The following ADGRB3 variants were observed in gnomAD, a reference collection of about 807,000 sequenced individuals.
The protein encoded by ADGRB3 is brain-specific angiogenesis inhibitor 3.
A neutral mutation model predicts 193.4 loss-of-function variants in ADGRB3; 37 were observed. The ratio of observed to expected loss-of-function variants is 0.19; its 90% CI spans 0.15 to 0.25. ADGRB3 has a LOEUF of 0.25. ADGRB3 is among the 10% of genes least tolerant of loss of function. The pLI is 1.00. For synonymous variants in ADGRB3, 690 were observed against 644.2 expected (o/e 1.07, Z -1.08); for missense variants, 1,637 against 1,852.9 (o/e 0.88, Z 2.14).
At chr6:69,231,954 C>T (rs531176726) in intron 17 of ADGRB3, among the ~76,000 whole-genome samples, 1 of 152,258 alleles carries the variant, frequency 6.6e-6, no homozygotes, top group African/African-American at 2.4e-5. Flanking sequence ...GTTCAACTGT[C>T]ACAAAGAAAC....
At chr6:68,847,557 G>A (rs777196712) in intron 3 of ADGRB3, among the ~76,000 whole-genome samples, 2 of 152,114 alleles carry the variant, frequency 1.3e-5, no homozygotes, top group Admixed American at 6.6e-5. Flanking sequence ...GGGTTTATCA[G>A]GGGTTTCCAC....
At chr6:69,055,569 G>A (rs916513654) in intron 15 of ADGRB3, among the ~76,000 whole-genome samples, 3 of 151,950 alleles carry the variant, frequency 2.0e-5, no homozygotes, top group African/African-American at 7.3e-5. Context: ...TCCACCTCTT[G>A]GCAATTGTCA....
intron 17 of ADGRB3, among the ~76,000 whole-genome samples, chr6:69,219,460 C>CATATATATAT (rs1561956677): frequency 9.1e-5 from 5 of 54,824 alleles, no homozygotes; most frequent in African/African-American, 1.5e-4. Flanking sequence ...TACACACACA[C>CATATATATAT]GTATATATAT....
At chr6:69,098,712 C>G (rs551077357) in intron 17 of ADGRB3, among the ~76,000 whole-genome samples, 1 of 152,092 alleles carries the variant, frequency 6.6e-6, no homozygotes, top group Non-Finnish European at 1.5e-5. Flanking sequence ...GACACAAAAC[C>G]AAACCGTATC....
chr6:68,896,870 A>C lies in ADGRB3; in HGVS notation c.758-33689A>C, dbSNP rs1766232463. On this transcript the variant is annotated intron_variant, in intron 3 of 31. Coordinates refer to ENST00000370598, the MANE Select transcript of ADGRB3 (RefSeq NM_001704.3). Reference sequence around the variant, plus strand: ...CAGGGAGAATTATTTCTAACACCTGATTTGTAGAATCAGAGCCTATAACTT... The same window carrying C: ...CAGGGAGAATTATTTCTAACACCTGCTTTGTAGAATCAGAGCCTATAACTT... 2.0e-5 allele frequency among the ~76,000 whole-genome samples: 3 copies of C among 152,250 alleles called. No homozygotes were observed. The South Asian group carries it at 6.2e-4, about 32-fold the overall frequency.
intron 15 of ADGRB3, among the ~76,000 whole-genome samples, chr6:69,057,557 T>C (rs1428786376): frequency 1.3e-5 from 2 of 151,996 alleles, no homozygotes; most frequent in African/African-American, 4.8e-5. Flanking sequence ...AGTGTGATAT[T>C]AGATGTGGGT....
intron 5 of ADGRB3, among the ~76,000 whole-genome samples, chr6:68,937,297 G>T (rs1408572043): frequency 6.6e-6 from 1 of 152,284 alleles, no homozygotes; most frequent in South Asian, 2.1e-4. Context: ...CTTAGTGTCA[G>T]ATTTTCCATG....
chr6:68,772,201 G>T (rs1157457800), intron 3 of ADGRB3, among the ~76,000 whole-genome samples: 1 of 152,100 alleles, frequency 6.6e-6, no homozygotes, highest in Non-Finnish European at 1.5e-5. Flanking sequence ...AAACTGAAAA[G>T]GCCTAGCAAT....
At position 69,128,950 on chromosome 6, in the gene ADGRB3, C is replaced by G. The variant is rs554936763; in HGVS notation, c.2480+52912C>G. On this transcript the variant is annotated intron_variant, in intron 17 of 31. Coordinates refer to ENST00000370598, the MANE Select transcript of ADGRB3 (RefSeq NM_001704.3). Reference sequence around the variant, plus strand: ...GGGTCTCATCTAAGTCTTCAGGCAACCGATAGACCAGTTCGTTTCAAGTTA... The same window carrying G: ...GGGTCTCATCTAAGTCTTCAGGCAAGCGATAGACCAGTTCGTTTCAAGTTA... 4.2e-4 allele frequency among the ~76,000 whole-genome samples: 64 copies of G among 152,240 alleles called. No homozygotes were observed. In the South Asian group the frequency reaches 5.0e-3, roughly 12 times the overall value.
At chr6:69,311,206 A>G (rs1001469585) in intron 20 of ADGRB3, among the ~76,000 whole-genome samples, 4 of 151,796 alleles carry the variant, frequency 2.6e-5, no homozygotes, top group African/African-American at 7.2e-5. Context: ...TACTTTGTCT[A>G]TTCTTATGTT....
At chr6:69,343,699 C>A (rs997699545) in intron 26 of ADGRB3, among the ~76,000 whole-genome samples, 24 of 151,838 alleles carry the variant, frequency 1.6e-4, no homozygotes, top group Non-Finnish European at 2.8e-4. Flanking sequence ...TTTACTAAAT[C>A]TCTCTGGAGA....
At chr6:69,074,710 A>G (rs1772177856) in intron 16 of ADGRB3, among the ~76,000 whole-genome samples, 1 of 151,754 alleles carries the variant, frequency 6.6e-6, no homozygotes, top group African/African-American at 2.4e-5. Flanking sequence ...ACGTCCTGCT[A>G]ATTTTTTTGT....
intron 29 of ADGRB3, 46 bp downstream of exon 29, chr6:69,361,558 A>G: frequency 6.5e-7 from 1 of 1,533,016 alleles, no homozygotes; most frequent in South Asian, 1.2e-5. Flanking sequence ...TGAAATATGA[A>G]TAGATATAAA....
intron 15 of ADGRB3, among the ~76,000 whole-genome samples, chr6:69,055,735 C>T (rs1771525743): frequency 6.6e-6 from 1 of 152,158 alleles, no homozygotes. Flanking sequence ...TTCACATTCC[C>T]ACCAACATTG....
chr6:69,271,583 A>T (rs1582594601), intron 20 of ADGRB3, among the ~76,000 whole-genome samples: 1 of 152,056 alleles, frequency 6.6e-6, no homozygotes, highest in Admixed American at 6.6e-5. Flanking sequence ...TTAATTATGT[A>T]GCATGTTATT....
intron 17 of ADGRB3, among the ~76,000 whole-genome samples, chr6:69,170,565 T>C (rs140985705): frequency 2.9e-4 from 44 of 152,272 alleles, no homozygotes; most frequent in African/African-American, 1.0e-3. Flanking sequence ...AATACAAATA[T>C]ACAGAACCAC....
chr6:68,686,771 C>A (rs1264189836), intron 3 of ADGRB3, among the ~76,000 whole-genome samples: 1 of 152,114 alleles, frequency 6.6e-6, no homozygotes, highest in African/African-American at 2.4e-5. Flanking sequence ...TTTTGAACAT[C>A]ACATCATCTT....
At chr6:68,709,348 T>C (rs1282982419) in intron 3 of ADGRB3, among the ~76,000 whole-genome samples, 2 of 152,216 alleles carry the variant, frequency 1.3e-5, no homozygotes, top group Non-Finnish European at 2.9e-5. Context: ...TATTAAGCTC[T>C]ATCACACTAT....
chr6:68,697,776 A>G (rs1478012268), intron 3 of ADGRB3, among the ~76,000 whole-genome samples: 1 of 151,958 alleles, frequency 6.6e-6, no homozygotes, highest in East Asian at 1.9e-4. Flanking sequence ...CCTGTTTACC[A>G]GATATAGGAC....
Sources: gnomAD v4.1 joint callset for allele counts (sites outside exome capture counted in the v4.1 genomes callset) on GRCh38, gnomAD v4.1.1 for gene constraint, MANE v1.5 for transcripts, NCBI Gene and HGNC (gene_info 2026-07-23, HGNC 2026-07-21) for gene names.